The following RAD51B variants were observed in gnomAD, a reference collection of about 807,000 sequenced individuals.
RAD51B encodes DNA repair protein RAD51 homolog 2.
RAD51B carries 38 observed loss-of-function variants against 42.2 expected under a neutral mutation model. The ratio of observed to expected loss-of-function variants is 0.90; its 90% CI spans 0.70 to 1.18. The LOEUF (loss-of-function observed/expected upper bound fraction) is 1.18, where lower values mean the gene tolerates loss of function less well. Among genes scored for constraint, RAD51B ranks in the 50% most tolerant of loss-of-function variants. The pLI is 0.00. For synonymous variants in RAD51B, 154 were observed against 145.2 expected, an observed-to-expected ratio of 1.06 and a Z score of -0.43; for missense variants, 373 against 400.7, an observed-to-expected ratio of 0.93 and a Z score of 0.59.
At chr14:68,464,982 G>C (rs189306166) in intron 9 of RAD51B, among the ~76,000 whole-genome samples, 1 of 152,302 alleles carries the variant, frequency 6.6e-6, no homozygotes, top group East Asian at 1.9e-4. Context: ...CTTGCTCATA[G>C]ACTGGCTATT....
At chr14:68,207,683 G>A (rs1279492267) in intron 7 of RAD51B, among the ~76,000 whole-genome samples, 4 of 152,142 alleles carry the variant, frequency 2.6e-5, no homozygotes, top group African/African-American at 7.2e-5. Flanking sequence ...CAAAGAAGCA[G>A]GGGAGCCAGT....
intron 7 of RAD51B, among the ~76,000 whole-genome samples, chr14:67,982,047 C>T (rs2075102887): frequency 6.6e-6 from 1 of 152,136 alleles, no homozygotes. Context: ...AGCAATTCTC[C>T]TGCCTCAGCC....
At chr14:68,156,462 T>TCTCTCC (rs1555365448) in intron 7 of RAD51B, among the ~76,000 whole-genome samples, 1 of 139,708 alleles carries the variant, frequency 7.2e-6, no homozygotes, top group Non-Finnish European at 1.6e-5. Flanking sequence ...AATTTCTCTC[T>TCTCTCC]CTCTCTCTCT....
intron 7 of RAD51B, among the ~76,000 whole-genome samples, chr14:68,024,670 T>A (rs1413708292): frequency 2.0e-5 from 3 of 152,160 alleles, no homozygotes; most frequent in Non-Finnish European, 4.4e-5. Context: ...ATGCTACTGA[T>A]TTTTATACAT....
intron 8 of RAD51B, among the ~76,000 whole-genome samples, chr14:68,384,273 G>A (rs543280061): frequency 4.9e-4 from 74 of 151,938 alleles, no homozygotes; most frequent in African/African-American, 1.7e-3. Flanking sequence ...ATTTTCTTCC[G>A]GAAAATCTTG....
At chr14:68,291,289 C>T (rs71423304) in intron 7 of RAD51B, among the ~76,000 whole-genome samples, 1 of 152,102 alleles carries the variant, frequency 6.6e-6, no homozygotes, top group African/African-American at 2.4e-5. Flanking sequence ...ACCTCCGCCT[C>T]TCGGATTCAA....
chr14:68,675,338 G>A (rs1595059207), intron 11 of RAD51B, among the ~76,000 whole-genome samples: 1 of 152,214 alleles, frequency 6.6e-6, no homozygotes, highest in African/African-American at 2.4e-5. Flanking sequence ...ATCCAACATG[G>A]TGCCACAGGA....
At chr14:68,678,302 C>G (rs7147018) in intron 11 of RAD51B, among the ~76,000 whole-genome samples, 2,920 of 152,218 alleles carry the variant, frequency 0.019, 97 homozygotes, top group African/African-American at 0.067. Context: ...CTCGGTTTAC[C>G]CTTGTGTGCC....
chr14:67,863,364 C>T (rs1256779310), intron 4 of RAD51B, among the ~76,000 whole-genome samples: 2 of 152,026 alleles, frequency 1.3e-5, no homozygotes, highest in African/African-American at 4.8e-5. Flanking sequence ...ATAACATCAG[C>T]ATTACCTGGG....
chr14:68,631,462 T>C (rs1892225454), intron 10 of RAD51B, among the ~76,000 whole-genome samples: 1 of 152,062 alleles, frequency 6.6e-6, no homozygotes, highest in African/African-American at 2.4e-5. Flanking sequence ...TGGAGATTGA[T>C]CCCTTGGGGA....
At chr14:68,398,412 A>C (rs2083989194) in intron 8 of RAD51B, among the ~76,000 whole-genome samples, 1 of 152,144 alleles carries the variant, frequency 6.6e-6, no homozygotes, top group African/African-American at 2.4e-5. Flanking sequence ...AACACAGCAG[A>C]GTGTGAACTC....
At chr14:68,108,809 A>C (rs1268649720) in intron 7 of RAD51B, among the ~76,000 whole-genome samples, 1 of 151,964 alleles carries the variant, frequency 6.6e-6, no homozygotes, top group African/African-American at 2.4e-5. Flanking sequence ...TATATTTTTT[A>C]AACCTATTAA....
At chr14:68,197,681 A>G (rs2079400090) in intron 7 of RAD51B, among the ~76,000 whole-genome samples, 2 of 152,170 alleles carry the variant, frequency 1.3e-5, no homozygotes, top group South Asian at 4.1e-4. Flanking sequence ...TAGACATTCC[A>G]GTAAGCTTGA....
chr14:68,444,402 G>A (rs1165799232), intron 9 of RAD51B, among the ~76,000 whole-genome samples: 1 of 151,990 alleles, frequency 6.6e-6, no homozygotes, highest in African/African-American at 2.4e-5. Flanking sequence ...CATTGTTTGA[G>A]GAAATAAGCA....
In RAD51B at chr14:67,833,341, A is replaced by C. The variant is rs140653759; in HGVS notation, c.199-1739A>C. Among the ~76,000 whole-genome samples the C allele has an allele frequency of 5.9e-5, 9 of 152,218 alleles. No homozygotes were observed. The East Asian group carries it at 9.6e-4, about 16-fold the overall frequency. ...TAGTGAGCTGAGATCGCATCACTGC[A>C]CTCCAGCCTGGGTGACAGAGTGAGA... On this transcript the variant is annotated intron_variant, in intron 3 of 10. Coordinates refer to ENST00000471583, the MANE Select transcript of RAD51B (RefSeq NM_133510.4).
intron 7 of RAD51B, among the ~76,000 whole-genome samples, chr14:67,929,557 T>A (rs568153090): frequency 1.1e-4 from 16 of 152,336 alleles, no homozygotes; most frequent in African/African-American, 3.8e-4. Context: ...ATTCTACAGA[T>A]GTTAGATAAC....
intron 7 of RAD51B, among the ~76,000 whole-genome samples, chr14:67,908,045 GA>G (rs1320493424): frequency 1.3e-5 from 2 of 151,840 alleles, no homozygotes; most frequent in African/African-American, 2.4e-5. Context: ...TTCCTGTGTG[GA>G]AAAAAATACC....
chr14:68,671,150 C>A (rs564675759), intron 11 of RAD51B, among the ~76,000 whole-genome samples: 1 of 152,304 alleles, frequency 6.6e-6, no homozygotes, highest in African/African-American at 2.4e-5. Context: ...AAGGGGCACC[C>A]ATGATAACTG....
intron 10 of RAD51B, among the ~76,000 whole-genome samples, chr14:68,517,379 TC>T (rs1394612731): frequency 3.9e-5 from 6 of 152,174 alleles, no homozygotes; most frequent in Non-Finnish European, 5.9e-5. Context: ...TGGCATTTAT[TC>T]CCCCTGTAAG....
Sources: gnomAD v4.1 joint callset for allele counts (sites outside exome capture counted in the v4.1 genomes callset) on GRCh38, gnomAD v4.1.1 for gene constraint, MANE v1.5 for transcripts, NCBI Gene and HGNC (gene_info 2026-07-23, HGNC 2026-07-21) for gene names.